MID1: variants seen among roughly 807,000 people sequenced by gnomAD.
MID1 encodes the protein E3 ubiquitin-protein ligase Midline-1.
In MID1, 7 loss-of-function variants were observed where a neutral mutation model predicts 40.4. That is an observed-to-expected ratio of 0.17 (90% CI 0.10 to 0.33). The LOEUF is 0.33. MID1 is among the 10% of genes least tolerant of loss of function. The probability of loss-of-function intolerance (pLI) is 1.00; values close to 1 mark genes in which losing one functional copy is unlikely to be tolerated. For missense variants in MID1, 367 were observed against 558.5 expected (o/e 0.66, Z 3.46); for synonymous variants, 229 against 221.2 (o/e 1.04, Z -0.31).
At chrX:10,490,805 G>C (rs990220261) in intron 4 of MID1, among the ~76,000 whole-genome samples, 2 of 111,911 alleles carry the variant, frequency 1.8e-5, no homozygotes, top group African/African-American at 6.5e-5. Context: ...TGGGAGGCTG[G>C]TGCCATTTTG....
intron 2 of MID1, among the ~76,000 whole-genome samples, chrX:10,555,950 T>A (rs1934102585): frequency 9.1e-6 from 1 of 110,256 alleles, no homozygotes; most frequent in Admixed American, 9.7e-5. Context: ...CTTGTACAGC[T>A]CCTTCACTTC....
chrX:10,706,003 G>T (rs937390241), intron 1 of MID1, among the ~76,000 whole-genome samples: 2 of 111,583 alleles, frequency 1.8e-5, no homozygotes, highest in Non-Finnish European at 3.8e-5. Context: ...TGGTGCTATT[G>T]ACATTTGGGG....
intron 1 of MID1, among the ~76,000 whole-genome samples, chrX:10,754,458 A>G (rs1034834197): frequency 3.6e-5 from 4 of 111,148 alleles, no homozygotes; most frequent in African/African-American, 1.3e-4. Context: ...ATTTTATGGG[A>G]AAAAAATGCT....
chrX:10,456,445 T>A (rs7357916), intron 8 of MID1, among the ~76,000 whole-genome samples: 6,718 of 112,476 alleles, frequency 0.06, 494 homozygotes, highest in African/African-American at 0.2. Flanking sequence ...TGTGGCTATA[T>A]GCTAATAAAA....
At chrX:10,645,492 A>G (rs769028314) in intron 1 of MID1, among the ~76,000 whole-genome samples, 70 of 111,972 alleles carry the variant, frequency 6.3e-4, no homozygotes, top group African/African-American at 2.2e-3. Flanking sequence ...TCTCTTTACA[A>G]CTCCATTTAG....
At chrX:10,823,292 A>G (rs12011929) in intron 1 of MID1, among the ~76,000 whole-genome samples, 3,759 of 110,834 alleles carry the variant, frequency 0.034, 174 homozygotes, top group African/African-American at 0.12. Context: ...TGGACACATT[A>G]TGGGGGAACG....
At chrX:10,489,210 G>T (rs1032632286) in intron 4 of MID1, among the ~76,000 whole-genome samples, 7 of 111,654 alleles carry the variant, frequency 6.3e-5, no homozygotes, top group Non-Finnish European at 1.3e-4. Context: ...TCTTAACAGT[G>T]CATTCTGAAG....
At position 10,555,786 on chromosome X, in the gene MID1, G is replaced by A. The variant is rs761242879; in HGVS notation, c.660+11102C>T. On this transcript the variant is annotated intron_variant, in intron 2 of 9. Coordinates refer to ENST00000317552, the MANE Select transcript of MID1 (RefSeq NM_000381.4). Reference sequence around the variant, plus strand: ...AATAAAAATAAAAACCATATTTTCCGGATTTTCCCCCTCAATAAATAGCAA... The same window carrying A: ...AATAAAAATAAAAACCATATTTTCCAGATTTTCCCCCTCAATAAATAGCAA... Among the ~76,000 whole-genome samples the A allele has an allele frequency of 1.1e-4, 12 of 110,415 alleles. No individual in the cohort carries two copies. In the East Asian group the frequency reaches 1.1e-3, roughly 10 times the overall value.
chrX:10,725,536 T>C (rs2043384219), intron 1 of MID1, among the ~76,000 whole-genome samples: 1 of 112,034 alleles, frequency 8.9e-6, no homozygotes, highest in African/African-American at 3.2e-5. Flanking sequence ...TTACTGAACA[T>C]AACCACAATA....
intron 1 of MID1, among the ~76,000 whole-genome samples, chrX:10,782,631 T>C (rs1437654003): frequency 9.0e-6 from 1 of 111,574 alleles, no homozygotes; most frequent in Non-Finnish European, 1.9e-5. Flanking sequence ...TTCTTTTATT[T>C]TTTCCCACAT....
At chrX:10,476,719 G>C (rs1017973244) in intron 5 of MID1, among the ~76,000 whole-genome samples, 5 of 111,479 alleles carry the variant, frequency 4.5e-5, no homozygotes, top group African/African-American at 1.6e-4. Flanking sequence ...AATGAGGGTA[G>C]AGAATCTAAC....
intron 7 of MID1, chrX:10,460,059 T>C (rs1484135520): frequency 2.4e-6 from 1 of 410,965 alleles, no homozygotes; most frequent in African/African-American, 2.5e-5. Context: ...AGAGGTGCAA[T>C]ATATTTCCCT....
chrX:10,720,941 C>T (rs1393159641), intron 1 of MID1, among the ~76,000 whole-genome samples: 14 of 107,162 alleles, frequency 1.3e-4, no homozygotes, highest in African/African-American at 4.1e-4. Context: ...AGCAAACTAT[C>T]GCAAGGACAA....
chrX:10,719,399 A>T (rs1378174897), intron 1 of MID1, among the ~76,000 whole-genome samples: 1 of 111,453 alleles, frequency 9.0e-6, no homozygotes, highest in African/African-American at 3.3e-5. Context: ...CTTATACACC[A>T]ATAACAGACA....
At chrX:10,548,216 T>C (rs1933772780) in intron 2 of MID1, among the ~76,000 whole-genome samples, 2 of 111,661 alleles carry the variant, frequency 1.8e-5, no homozygotes, top group Non-Finnish European at 3.8e-5. Context: ...GTGTGTTCCA[T>C]GTCCCCTCTC....
chrX:10,585,919 G>C (rs1197870850), intron 1 of MID1, among the ~76,000 whole-genome samples: 2 of 111,688 alleles, frequency 1.8e-5, no homozygotes, highest in African/African-American at 3.3e-5. Flanking sequence ...AAGGTGACTT[G>C]TTTGGGCACT....
intron 1 of MID1, among the ~76,000 whole-genome samples, chrX:10,743,656 T>A (rs1341479185): frequency 8.9e-6 from 1 of 112,322 alleles, no homozygotes; most frequent in Non-Finnish European, 1.9e-5. Flanking sequence ...AGGGGAATGC[T>A]GTTACAGAAA....
At chrX:10,590,626 T>C (rs910313923) in intron 1 of MID1, among the ~76,000 whole-genome samples, 1 of 112,348 alleles carries the variant, frequency 8.9e-6, no homozygotes, top group Non-Finnish European at 1.9e-5. Flanking sequence ...AAATGTACTC[T>C]ATATAAGAAC....
chrX:10,815,244 T>A (rs1435402237), intron 1 of MID1, among the ~76,000 whole-genome samples: 3 of 111,888 alleles, frequency 2.7e-5, no homozygotes, highest in Non-Finnish European at 5.6e-5. Flanking sequence ...TTTATAGACA[T>A]AGCAACTCTA....
Sources: allele counts gnomAD v4.1 joint callset (sites outside exome capture counted in the v4.1 genomes callset), GRCh38; gene constraint gnomAD v4.1.1; transcripts MANE v1.5; gene names NCBI Gene and HGNC (gene_info 2026-07-23, HGNC 2026-07-21).